The following C10orf67 variants were observed in gnomAD, a reference collection of about 807,000 sequenced individuals.
C10orf67 encodes the protein chromosome 10 open reading frame 67, also known as uncharacterized protein C10orf67, mitochondrial.
In C10orf67, 60 loss-of-function variants were observed where a neutral mutation model predicts 35.6. That is an observed-to-expected ratio of 1.68 (90% CI 1.37 to 2.09). The LOEUF (loss-of-function observed/expected upper bound fraction) is 2.09, where lower values mean the gene tolerates loss of function less well. Among genes scored for constraint, C10orf67 ranks in the 30% most tolerant of loss-of-function variants. The pLI, the probability that C10orf67 is intolerant of heterozygous loss-of-function variation, is 0.00. For missense variants in C10orf67, 474 were observed against 330.2 expected (o/e 1.44, Z -3.38); for synonymous variants, 167 against 115.8 (o/e 1.44, Z -2.84).
intron 15 of C10orf67, among the ~76,000 whole-genome samples, chr10:23,217,011 TA>T (rs1314597520): frequency 2.0e-5 from 3 of 152,230 alleles, no homozygotes; most frequent in East Asian, 1.9e-4. Context: ...TATTTCCTCA[TA>T]AAAAATTTTC....
intron 8 of C10orf67, among the ~76,000 whole-genome samples, chr10:23,273,000 A>G (rs143268330): frequency 6.6e-6 from 1 of 152,256 alleles, no homozygotes; most frequent in Non-Finnish European, 1.5e-5. Context: ...CTCATTGCTT[A>G]TATATAGAAG....
intron 4 of C10orf67, among the ~76,000 whole-genome samples, chr10:23,319,632 T>C (rs1844866819): frequency 6.6e-6 from 1 of 152,242 alleles, no homozygotes; most frequent in Non-Finnish European, 1.5e-5. Context: ...CAGCAGTGTA[T>C]AAGCAAGTGT....
chr10:23,283,971 A>G (rs1003909738), intron 7 of C10orf67, among the ~76,000 whole-genome samples: 1 of 152,172 alleles, frequency 6.6e-6, no homozygotes, highest in Non-Finnish European at 1.5e-5. Context: ...CGACACAGAT[A>G]CAGCTGGTAT....
At chr10:23,249,727 T>G (rs1172762196) in intron 12 of C10orf67, among the ~76,000 whole-genome samples, 1 of 152,198 alleles carries the variant, frequency 6.6e-6, no homozygotes, top group African/African-American at 2.4e-5. Flanking sequence ...AAGTTTGACC[T>G]CCGATGGCCT....
chr10:23,288,632 A>T (rs907768155), intron 7 of C10orf67, among the ~76,000 whole-genome samples: 4 of 152,220 alleles, frequency 2.6e-5, no homozygotes, highest in African/African-American at 9.7e-5. Context: ...TTAAAAAAAG[A>T]ATATCTTGAA....
chr10:23,321,561 C>G (rs1448470429), intron 3 of C10orf67, among the ~76,000 whole-genome samples: 1 of 152,120 alleles, frequency 6.6e-6, no homozygotes, highest in Non-Finnish European at 1.5e-5. Flanking sequence ...TATCATTGCT[C>G]CCTTTAACTA....
At chr10:23,214,732 C>G (rs181579745) in intron 15 of C10orf67, among the ~76,000 whole-genome samples, 1 of 152,142 alleles carries the variant, frequency 6.6e-6, no homozygotes, top group Admixed American at 6.6e-5. Context: ...AAAACAACAT[C>G]AGGGAGAGGC....
intron 7 of C10orf67, among the ~76,000 whole-genome samples, chr10:23,286,249 T>A (rs1716971806): frequency 6.7e-6 from 1 of 149,242 alleles, no homozygotes; most frequent in Admixed American, 6.7e-5. Context: ...AAATAAAAAA[T>A]TAGCCAAGTG....
At chr10:23,219,960 C>T (rs970382107) in intron 15 of C10orf67, among the ~76,000 whole-genome samples, 1 of 151,930 alleles carries the variant, frequency 6.6e-6, no homozygotes, top group Non-Finnish European at 1.5e-5. Flanking sequence ...TAGCTTGAGC[C>T]CAGGAGTTGG....
At chr10:23,310,948 A>G (rs1262357637) in intron 4 of C10orf67, among the ~76,000 whole-genome samples, 2 of 152,050 alleles carry the variant, frequency 1.3e-5, no homozygotes, top group East Asian at 1.9e-4. Flanking sequence ...ATGTCCTTCA[A>G]AGAACATCCT....
chr10:23,209,913 T>A (rs1291180275), intron 15 of C10orf67, among the ~76,000 whole-genome samples: 2 of 139,592 alleles, frequency 1.4e-5, no homozygotes, highest in Non-Finnish European at 3.0e-5. Context: ...AGTGGAAGGA[T>A]CACTTTAGCC....
chr10:23,228,653 A>AC (rs1170015491), intron 13 of C10orf67, among the ~76,000 whole-genome samples: 1 of 152,194 alleles, frequency 6.6e-6, no homozygotes, highest in Non-Finnish European at 1.5e-5. Context: ...TGAACAGGCA[A>AC]CCACAAAATG....
At chr10:23,282,847 G>A (rs1002668861) in intron 7 of C10orf67, among the ~76,000 whole-genome samples, 1 of 151,942 alleles carries the variant, frequency 6.6e-6, no homozygotes, top group South Asian at 2.1e-4. Flanking sequence ...CCATTTATTT[G>A]TGGGAGCTAG....
At chr10:23,228,583 A>T (rs186694751) in intron 13 of C10orf67, among the ~76,000 whole-genome samples, 10 of 152,362 alleles carry the variant, frequency 6.6e-5, no homozygotes, top group African/African-American at 2.4e-4. Context: ...GCCAAAATTG[A>T]TGAATGGGAT....
intron 7 of C10orf67, among the ~76,000 whole-genome samples, chr10:23,284,411 G>A (rs779213532): frequency 1.1e-4 from 16 of 151,908 alleles, no homozygotes; most frequent in Non-Finnish European, 1.9e-4. Flanking sequence ...AGCCCAGCAC[G>A]GTGGCTCACG....
chr10:23,223,440 T>C (rs1443901358), intron 15 of C10orf67, among the ~76,000 whole-genome samples, 158 bp downstream of exon 15: 1 of 152,212 alleles, frequency 6.6e-6, no homozygotes, highest in Non-Finnish European at 1.5e-5. Context: ...TATTCTTTTA[T>C]TCAGTTTATC....
intron 8 of C10orf67, among the ~76,000 whole-genome samples, chr10:23,277,565 A>AT (rs1554809922): frequency 1.2e-3 from 186 of 151,668 alleles, no homozygotes; most frequent in Admixed American, 4.5e-3. Context: ...AAAAAAAAAA[A>AT]AATAATAACA....
chr10:23,280,958 T>C (rs1280889662), intron 8 of C10orf67, among the ~76,000 whole-genome samples: 1 of 152,052 alleles, frequency 6.6e-6, no homozygotes, highest in Non-Finnish European at 1.5e-5. Flanking sequence ...AGCCTGAACT[T>C]TGGAGGAATG....
intron 1 of C10orf67, among the ~76,000 whole-genome samples, chr10:23,335,720 A>G (rs1845653645): frequency 6.6e-6 from 1 of 152,236 alleles, no homozygotes; most frequent in Non-Finnish European, 1.5e-5. Flanking sequence ...TCAGCTTTCC[A>G]TATACTAATT....
Sources: allele counts gnomAD v4.1 joint callset (sites outside exome capture counted in the v4.1 genomes callset), GRCh38; gene constraint gnomAD v4.1.1; transcripts MANE v1.5; gene names NCBI Gene and HGNC (gene_info 2026-07-23, HGNC 2026-07-21).